The following ZNF516 variants were observed in gnomAD, a reference collection of about 807,000 sequenced individuals.
The protein encoded by ZNF516 is zinc finger protein 516.
In ZNF516, 19 loss-of-function variants were observed where a neutral mutation model predicts 79.7. That is an observed-to-expected ratio of 0.24 (90% confidence interval 0.17 to 0.35). The LOEUF is 0.35. Among genes scored for constraint, ZNF516 ranks in the 10% least tolerant of loss-of-function variants. The pLI, the probability that ZNF516 is intolerant of heterozygous loss-of-function variation, is 1.00. For synonymous variants in ZNF516, 877 were observed against 739.5 expected (o/e 1.19, Z -3.02); for missense variants, 1,678 against 1,679.5 (o/e 1.00, Z 0.02).
chr18:76,496,366 AGCAATCAGCGCT>A, upstream of ZNF516: 11 of 1,289,616 alleles, frequency 8.5e-6, no homozygotes, highest in Non-Finnish European at 1.1e-5. Context: ...GGCTCCGCGT[AGCAATCAGCGCT>A]GCAATCCTGG....
rs116306158 is a variant in ZNF516 at position 76,456,651 on chromosome 18, G to A, written c.-158+6377C>T. ...ACTGGGCCACACAGTCAACCCCGAC[G>A]GTCAGAATGAAGGCGCAGGTCGAGA... On this transcript the variant is annotated intron_variant, in intron 2 of 6. Coordinates refer to ENST00000443185, the MANE Select transcript of ZNF516 (RefSeq NM_014643.4). Among the ~76,000 whole-genome samples the A allele has an allele frequency of 1.9e-3, 280 of 150,866 alleles. 1 individual carries two copies. The highest frequency in any genetic ancestry group is 6.6e-3 in the African/African-American group (269 of 41,032).
intron 2 of ZNF516, among the ~76,000 whole-genome samples, chr18:76,461,344 G>A (rs1913096567): frequency 6.6e-6 from 1 of 152,196 alleles, no homozygotes; most frequent in East Asian, 1.9e-4. Context: ...GGCCGCAACA[G>A]GCACTGTGAA....
At chr18:76,378,829 G>T in intron 4 of ZNF516, 26 bp downstream of exon 4, 1 of 1,598,070 alleles carries the variant, frequency 6.3e-7, no homozygotes. Flanking sequence ...ATGTGGCCTG[G>T]GGAAGAGAGG....
intron 3 of ZNF516, among the ~76,000 whole-genome samples, chr18:76,420,581 T>C (rs1166039382): frequency 2.0e-5 from 3 of 152,192 alleles, no homozygotes; most frequent in African/African-American, 7.2e-5. Flanking sequence ...AAACAGTGGA[T>C]ACTTAAAAAA....
chr18:76,490,717 G>A (rs577447480), intron 1 of ZNF516: 6 of 958,084 alleles, frequency 6.3e-6, no homozygotes, highest in South Asian at 9.6e-5. Flanking sequence ...GCAGGCTGAC[G>A]GGGGCAATGC....
rs192420281 is a variant in ZNF516 at position 76,456,459 on chromosome 18, C to T, written c.-158+6569G>A. Among the ~76,000 whole-genome samples the T allele has an allele frequency of 1.4e-3, 212 of 152,310 alleles. 3 individuals carry two copies. Among genetic ancestry groups the T allele is most frequent in the Non-Finnish European group, 3.4e-4 (23 of 68,022 alleles). On this transcript the variant is annotated intron_variant, in intron 2 of 6. Transcript: ENST00000443185. ...TCACATAAACTAGTGTGTTAAAAGT[C>T]GGCTCAGGGATTAGCCTATCCCGGC...
At chr18:76,388,139 T>TC (rs2075020075) in intron 3 of ZNF516, 1 of 152,004 alleles carries the variant, frequency 6.6e-6, no homozygotes, top group Non-Finnish European at 1.5e-5. Flanking sequence ...TCCTCATGCA[T>TC]CCCCCTGAGA....
chr18:76,377,291 G>A (rs1263485109), intron 4 of ZNF516, among the ~76,000 whole-genome samples: 6 of 152,404 alleles, frequency 3.9e-5, no homozygotes, highest in South Asian at 4.1e-4. Flanking sequence ...CGAGACCCTC[G>A]GGTGTCCGGG....
chr18:76,439,353 C>T (rs2075784726), intron 3 of ZNF516, among the ~76,000 whole-genome samples: 1 of 152,196 alleles, frequency 6.6e-6, no homozygotes, highest in African/African-American at 2.4e-5. Flanking sequence ...ACCTACAGGG[C>T]TCTTCCATGT....
At chr18:76,492,955 G>C in intron 1 of ZNF516, 1 of 985,616 alleles carries the variant, frequency 1.0e-6, no homozygotes, top group Non-Finnish European at 1.2e-6. Flanking sequence ...ACAGTGTGCA[G>C]ACACATGGGC....
At chr18:76,457,552 G>A (rs1421248257) in intron 2 of ZNF516, among the ~76,000 whole-genome samples, 1 of 152,084 alleles carries the variant, frequency 6.6e-6, no homozygotes, top group African/African-American at 2.4e-5. Context: ...TCTATATAAA[G>A]ATTAAAAAAT....
intron 1 of ZNF516, 78 bp downstream of exon 1, chr18:76,495,066 G>A (rs1186569046): frequency 2.8e-5 from 4 of 143,334 alleles, no homozygotes; most frequent in South Asian, 2.4e-4. Context: ...TACGGGGCAC[G>A]TCGGGGCTCC....
chr18:76,404,037 C>T (rs2075267876), intron 3 of ZNF516, among the ~76,000 whole-genome samples: 1 of 152,234 alleles, frequency 6.6e-6, no homozygotes, highest in Admixed American at 6.5e-5. Context: ...CCTGGGGCTC[C>T]TGTCCACTGG....
chr18:76,464,870 C>G (rs762900921), intron 1 of ZNF516, among the ~76,000 whole-genome samples: 9 of 152,220 alleles, frequency 5.9e-5, no homozygotes, highest in Non-Finnish European at 7.3e-5. Context: ...ATCATGGGAG[C>G]CTTACGCAGT....
chr18:76,457,239 T>C (rs958256639), intron 2 of ZNF516, among the ~76,000 whole-genome samples: 5 of 152,246 alleles, frequency 3.3e-5, no homozygotes, highest in African/African-American at 1.2e-4. Flanking sequence ...AGCTTCAGGA[T>C]TTATAAACAA....
At chr18:76,475,579 A>G (rs1049816609) in intron 1 of ZNF516, among the ~76,000 whole-genome samples, 1 of 152,190 alleles carries the variant, frequency 6.6e-6, no homozygotes. Flanking sequence ...TAGCAGCCCA[A>G]ATGTCCAACA....
At chr18:76,496,288 C>T (rs755804536), upstream of ZNF516, 36 of 1,288,928 alleles carry the variant, frequency 2.8e-5, no homozygotes, top group East Asian at 7.2e-4. Context: ...GGCTCCTGGC[C>T]GTATTGTTCT....
rs1568317510 is a variant in ZNF516 at position 76,467,190 on chromosome 18, TCGGAACC to T, written c.-271-4056_-271-4050del. ...GTTGGCAGGAAGTCCTGCGTGTCTC[TCGGAACC>T]TGCAGCTCACAGCCCCTCTGGGCTG... On this transcript the variant is annotated intron_variant, in intron 1 of 6. Transcript: ENST00000443185. The surrounding 1 kb of genome is among the most constrained non-coding windows in gnomAD (Gnocchi z 4.2). Among the ~76,000 whole-genome samples the T allele has an allele frequency of 5.3e-4, 47 of 88,932 alleles. No homozygotes were observed. The highest frequency in any genetic ancestry group is 1.7e-3 in the African/African-American group (36 of 21,374). The allele number at this position is 88,932 out of a possible 152,430, so 58.3% of individuals were successfully genotyped here.
At chr18:76,431,349 A>G (rs745334288) in intron 3 of ZNF516, among the ~76,000 whole-genome samples, 12 of 152,258 alleles carry the variant, frequency 7.9e-5, no homozygotes, top group Non-Finnish European at 1.5e-4. Context: ...CAGTGTGCCC[A>G]TGATGAAAAT....
Sources: allele counts gnomAD v4.1 joint callset (sites outside exome capture counted in the v4.1 genomes callset), GRCh38; gene constraint gnomAD v4.1.1; non-coding constraint Gnocchi (gnomAD v3.1); transcripts MANE v1.5; gene names NCBI Gene and HGNC (gene_info 2026-07-23, HGNC 2026-07-21).